The following GRM1 variants were observed in gnomAD, a reference collection of about 807,000 sequenced individuals.
GRM1 encodes glutamate metabotropic receptor 1.
In GRM1, 33 loss-of-function variants were observed where a neutral mutation model predicts 90.9. That is an observed-to-expected ratio of 0.36 (90% CI 0.28 to 0.49). The LOEUF (loss-of-function observed/expected upper bound fraction) is 0.49. Ranked by LOEUF, GRM1 falls within the 20% of genes least tolerant of loss-of-function variation. The probability of loss-of-function intolerance (pLI) is 0.99; values close to 1 mark genes in which losing one functional copy is unlikely to be tolerated. For synonymous variants in GRM1, 700 were observed against 613.2 expected, an observed-to-expected ratio of 1.14 and a Z score of -2.09; for missense variants, 1,190 against 1,534.3, an observed-to-expected ratio of 0.78 and a Z score of 3.75.
chr6:146,288,476 A>G (rs1021085006), intron 2 of GRM1, among the ~76,000 whole-genome samples: 1 of 152,192 alleles, frequency 6.6e-6, no homozygotes, highest in East Asian at 1.9e-4. Flanking sequence ...CATGAACCAT[A>G]GAACAATGGC....
chr6:146,324,917 C>T (rs1393218361), intron 3 of GRM1, among the ~76,000 whole-genome samples: 1 of 152,160 alleles, frequency 6.6e-6, no homozygotes, highest in African/African-American at 2.4e-5. Flanking sequence ...AAAATTTTAA[C>T]TGTCAAAATT....
At chr6:146,075,260 C>A (rs980800280) in intron 1 of GRM1, among the ~76,000 whole-genome samples, 5 of 152,174 alleles carry the variant, frequency 3.3e-5, no homozygotes, top group African/African-American at 1.2e-4. Flanking sequence ...GTGTTACACT[C>A]TAAAATAATA....
intron 2 of GRM1, among the ~76,000 whole-genome samples, chr6:146,174,199 C>T (rs996100770): frequency 2.0e-5 from 3 of 151,806 alleles, no homozygotes; most frequent in African/African-American, 7.3e-5. Context: ...TTAAATTTTC[C>T]CTACACAGGT....
At chr6:146,113,636 A>G (rs1294252270) in intron 1 of GRM1, among the ~76,000 whole-genome samples, 2 of 152,172 alleles carry the variant, frequency 1.3e-5, no homozygotes, top group Non-Finnish European at 2.9e-5. Flanking sequence ...AAGGTCACTC[A>G]GTGTGAGGCT....
At chr6:146,051,205 A>T (rs1321439995) in intron 1 of GRM1, among the ~76,000 whole-genome samples, 1 of 152,092 alleles carries the variant, frequency 6.6e-6, no homozygotes, top group African/African-American at 2.4e-5. Flanking sequence ...CAAACCAGAG[A>T]TTATAATTGT....
At chr6:146,304,900 T>C (rs1465536949) in intron 3 of GRM1, 54 bp downstream of exon 3, 2 of 1,200,432 alleles carry the variant, frequency 1.7e-6, no homozygotes, top group Non-Finnish European at 2.5e-6. Flanking sequence ...TCTTCTAGAT[T>C]TATTGCAACT....
chr6:146,420,993 A>G (rs1242280290), intron 7 of GRM1, among the ~76,000 whole-genome samples: 1 of 152,162 alleles, frequency 6.6e-6, no homozygotes. Context: ...CAGGATAACA[A>G]CATCTGATAT....
intron 7 of GRM1, chr6:146,426,781 G>C: frequency 1.6e-6 from 1 of 613,726 alleles, no homozygotes; most frequent in Non-Finnish European, 3.0e-6. Flanking sequence ...TGGTTTGCAC[G>C]ACTGCCTTAA....
At chr6:146,391,844 C>A (rs1416686123) in intron 6 of GRM1, among the ~76,000 whole-genome samples, 1 of 152,058 alleles carries the variant, frequency 6.6e-6, no homozygotes, top group Non-Finnish European at 1.5e-5. Flanking sequence ...AATCTAGCAT[C>A]TTCCCAAGAG....
intron 3 of GRM1, among the ~76,000 whole-genome samples, chr6:146,320,298 A>G (rs1263028641): frequency 1.3e-5 from 2 of 152,192 alleles, no homozygotes; most frequent in Admixed American, 1.3e-4. Context: ...CCAGCCTTGC[A>G]TACCAGGGAT....
At chr6:146,349,627 T>G (rs1785322589) in intron 3 of GRM1, among the ~76,000 whole-genome samples, 1 of 152,166 alleles carries the variant, frequency 6.6e-6, no homozygotes, top group Non-Finnish European at 1.5e-5. Context: ...TTAGTTGTGT[T>G]AATTTTTAGA....
intron 2 of GRM1, among the ~76,000 whole-genome samples, chr6:146,254,261 T>A (rs1392005873): frequency 6.6e-6 from 1 of 151,986 alleles, no homozygotes; most frequent in Non-Finnish European, 1.5e-5. Context: ...TTCCTCTTTA[T>A]GTGACCTGCT....
At chr6:146,209,052 C>T (rs1026256195) in intron 2 of GRM1, among the ~76,000 whole-genome samples, 2 of 152,014 alleles carry the variant, frequency 1.3e-5, no homozygotes, top group Non-Finnish European at 2.9e-5. Flanking sequence ...CTATTCCTGA[C>T]AGCAAACCTA....
chr6:146,220,819 C>T (rs751390628), intron 2 of GRM1, among the ~76,000 whole-genome samples: 8 of 151,952 alleles, frequency 5.3e-5, no homozygotes, highest in Non-Finnish European at 1.0e-4. Flanking sequence ...GGAGGAAGTC[C>T]CTGGGTCAAA....
chr6:146,086,041 G>A (rs531296904), intron 1 of GRM1, among the ~76,000 whole-genome samples: 26 of 152,222 alleles, frequency 1.7e-4, no homozygotes, highest in African/African-American at 6.3e-4. Context: ...CGGGGTATAT[G>A]AGTGGAATAG....
chr6:146,238,372 AG>A (rs1780727136), intron 2 of GRM1, among the ~76,000 whole-genome samples: 3 of 152,156 alleles, frequency 2.0e-5, no homozygotes, highest in Admixed American at 1.3e-4. Context: ...TCTCTCCAAA[AG>A]GTTCCAATGC....
At chr6:146,303,966 G>A (rs570201989) in intron 2 of GRM1, among the ~76,000 whole-genome samples, 14 of 152,248 alleles carry the variant, frequency 9.2e-5, no homozygotes, top group African/African-American at 3.4e-4. Flanking sequence ...TAAAATGTCA[G>A]TGTGCTCCCA....
At chr6:146,040,273 T>C (rs187871331) in intron 1 of GRM1, among the ~76,000 whole-genome samples, 1 of 152,150 alleles carries the variant, frequency 6.6e-6, no homozygotes, top group East Asian at 1.9e-4. Flanking sequence ...CAGTGTTCTG[T>C]ACTAGTAGCG....
intron 2 of GRM1, among the ~76,000 whole-genome samples, chr6:146,226,838 G>GAACACA: frequency 6.6e-6 from 1 of 152,142 alleles, no homozygotes; most frequent in Non-Finnish European, 1.5e-5. Flanking sequence ...AGTCCTAGAT[G>GAACACA]ATTCTTTTTC....
Sources: allele counts gnomAD v4.1 joint callset (sites outside exome capture counted in the v4.1 genomes callset), GRCh38; gene constraint gnomAD v4.1.1; transcripts MANE v1.5; gene names NCBI Gene and HGNC (gene_info 2026-07-23, HGNC 2026-07-21).